The following EPHA7 variants were observed in gnomAD, a reference collection of about 807,000 sequenced individuals.
EPHA7 encodes the protein ephrin type-A receptor 7.
EPHA7 carries 25 observed loss-of-function variants against 112.6 expected under a neutral mutation model. The ratio of observed to expected loss-of-function variants is 0.22; its 90% CI spans 0.16 to 0.31. The LOEUF (loss-of-function observed/expected upper bound fraction) is 0.31, where lower values mean the gene tolerates loss of function less well. Ranked by LOEUF, EPHA7 falls within the 10% of genes least tolerant of loss-of-function variation. The pLI, the probability that EPHA7 is intolerant of heterozygous loss-of-function variation, is 1.00. For synonymous variants in EPHA7, 437 were observed against 406.5 expected (o/e 1.07, Z -0.90); for missense variants, 962 against 1,212.6 (o/e 0.79, Z 3.07).
chr6:93,296,254 T>A (rs1436693184), intron 5 of EPHA7, among the ~76,000 whole-genome samples: 1 of 150,868 alleles, frequency 6.6e-6, no homozygotes, highest in Non-Finnish European at 1.5e-5. Flanking sequence ...AAAAATCAGA[T>A]ATACCATATG....
At chr6:93,316,463 T>G (rs918226382) in intron 5 of EPHA7, among the ~76,000 whole-genome samples, 1 of 152,140 alleles carries the variant, frequency 6.6e-6, no homozygotes, top group Non-Finnish European at 1.5e-5. Context: ...TGAAAGCTAC[T>G]GTTCTAACAT....
intron 5 of EPHA7, among the ~76,000 whole-genome samples, chr6:93,301,821 C>G (rs1033643178): frequency 6.6e-6 from 1 of 152,180 alleles, no homozygotes; most frequent in Non-Finnish European, 1.5e-5. Flanking sequence ...ACCACAACTA[C>G]CCAGTACTCC....
chr6:93,292,793 C>T (rs1395285460), intron 5 of EPHA7, among the ~76,000 whole-genome samples: 1 of 152,042 alleles, frequency 6.6e-6, no homozygotes, highest in Non-Finnish European at 1.5e-5. Flanking sequence ...GAGAGAAAGG[C>T]AAACAACCCA....
At chr6:93,364,977 G>A (rs1776437376) in intron 3 of EPHA7, among the ~76,000 whole-genome samples, 1 of 152,078 alleles carries the variant, frequency 6.6e-6, no homozygotes, top group Non-Finnish European at 1.5e-5. Flanking sequence ...ATTTGTGATT[G>A]AATTTCTGAA....
chr6:93,245,298 T>C lies in EPHA7; in HGVS notation c.2882A>G (p.Glu961Gly). The change falls in exon 16 of 17, where the codon GAG becomes GGG. Residue 961 changes from glutamate (E) to glycine (G), a missense_variant and splice_region_variant. Physicochemically the swap from Glu to Gly is moderately conservative, Grantham distance 98. Coordinates refer to ENST00000369303, the MANE Select transcript of EPHA7 (RefSeq NM_004440.4). Reference protein sequence around the residue: ...SLESVARMTIEDVMSLGITLV... With the variant: ...SLESVARMTIGDVMSLGITLV... ...TACAATTTTAAGAGTTTAAGCTTAC[T>C]CAATAGTCATCCTGGCTACTGATTC... 6.2e-7 allele frequency: 1 copy of C among 1,612,332 alleles called. No homozygotes were observed. Among genetic ancestry groups the C allele is most frequent in the South Asian group, 1.1e-5 (1 of 91,010 alleles).
chr6:93,262,310 G>A (rs1770723180), intron 9 of EPHA7, among the ~76,000 whole-genome samples: 1 of 151,430 alleles, frequency 6.6e-6, no homozygotes, highest in South Asian at 2.1e-4. Flanking sequence ...ACTGAGGCTT[G>A]TCGCAGGAAA....
chr6:93,306,848 A>G (rs1773283599), intron 5 of EPHA7, among the ~76,000 whole-genome samples: 1 of 151,968 alleles, frequency 6.6e-6, no homozygotes, highest in Non-Finnish European at 1.5e-5. Flanking sequence ...AGTTTTGGTC[A>G]TCATGTGAAA....
intron 3 of EPHA7, among the ~76,000 whole-genome samples, chr6:93,372,020 C>T (rs1776825051): frequency 6.6e-6 from 1 of 151,894 alleles, no homozygotes; most frequent in African/African-American, 2.4e-5. Context: ...TTTTTTTCAA[C>T]ATTTAAGTTA....
At chr6:93,393,407 T>C (rs778707769) in intron 3 of EPHA7, among the ~76,000 whole-genome samples, 2 of 151,800 alleles carry the variant, frequency 1.3e-5, no homozygotes, top group Non-Finnish European at 2.9e-5. Context: ...ATGAAATATA[T>C]TTAGTACCCT....
chr6:93,418,195 G>A (rs1562175107), intron 1 of EPHA7, among the ~76,000 whole-genome samples: 1 of 152,102 alleles, frequency 6.6e-6, no homozygotes, highest in Non-Finnish European at 1.5e-5. Context: ...GGATGGGATT[G>A]TGACACTGCT....
At chr6:93,350,226 C>G (rs1775623474) in intron 5 of EPHA7, among the ~76,000 whole-genome samples, 1 of 151,960 alleles carries the variant, frequency 6.6e-6, no homozygotes, top group African/African-American at 2.4e-5. Context: ...TGTTAATATT[C>G]TCAGGAAATA....
chr6:93,357,654 A>ACT (rs1344421866), intron 4 of EPHA7, among the ~76,000 whole-genome samples: 1 of 124,552 alleles, frequency 8.0e-6, no homozygotes, highest in African/African-American at 3.6e-5. Flanking sequence ...GACCCTAATA[A>ACT]CTTTTTTTTT....
At chr6:93,373,691 A>T (rs1776913127) in intron 3 of EPHA7, among the ~76,000 whole-genome samples, 1 of 151,970 alleles carries the variant, frequency 6.6e-6, no homozygotes, top group South Asian at 2.1e-4. Flanking sequence ...TGATTCACCA[A>T]TATCTCCAAA....
intron 14 of EPHA7, among the ~76,000 whole-genome samples, chr6:93,248,507 C>A (rs1770059370): frequency 6.6e-6 from 1 of 152,054 alleles, no homozygotes; most frequent in Non-Finnish European, 1.5e-5. Context: ...GTTTATTAAA[C>A]TTTTCATCTG....
At chr6:93,365,009 T>A (rs1371947551) in intron 3 of EPHA7, among the ~76,000 whole-genome samples, 2 of 152,204 alleles carry the variant, frequency 1.3e-5, no homozygotes, top group Non-Finnish European at 2.9e-5. Context: ...CATTTTTATT[T>A]TTCATCCACA....
At chr6:93,322,638 A>G (rs547641985) in intron 5 of EPHA7, among the ~76,000 whole-genome samples, 1 of 151,806 alleles carries the variant, frequency 6.6e-6, no homozygotes, top group East Asian at 1.9e-4. Flanking sequence ...GGTTATATCA[A>G]TGACTGAATT....
chr6:93,257,097 T>C (rs1332717815), intron 12 of EPHA7, among the ~76,000 whole-genome samples: 2 of 152,128 alleles, frequency 1.3e-5, no homozygotes, highest in African/African-American at 2.4e-5. Flanking sequence ...GTTGTGATCA[T>C]AGTGTCAACA....
intron 5 of EPHA7, among the ~76,000 whole-genome samples, chr6:93,312,032 C>A (rs1159300191): frequency 6.6e-6 from 1 of 152,128 alleles, no homozygotes; most frequent in Non-Finnish European, 1.5e-5. Context: ...AACATATGTG[C>A]TGTTATCAAG....
intron 3 of EPHA7, among the ~76,000 whole-genome samples, chr6:93,399,905 T>A (rs1410588784): frequency 6.6e-6 from 1 of 152,052 alleles, no homozygotes; most frequent in Non-Finnish European, 1.5e-5. Flanking sequence ...AAAAAAACCC[T>A]CTAATTTATC....
Sources: gnomAD v4.1 joint callset for allele counts (sites outside exome capture counted in the v4.1 genomes callset) on GRCh38, gnomAD v4.1.1 for gene constraint, MANE v1.5 for transcripts, NCBI Gene and HGNC (gene_info 2026-07-23, HGNC 2026-07-21) for gene names.